Variants in ELP4 observed in about 807,000 individuals in gnomAD.
ELP4 encodes elongator acetyltransferase complex subunit 4.
Under a neutral mutation model 48.9 loss-of-function variants are expected in ELP4, and 51 were observed. The observed-to-expected ratio is 1.04, with a 90% CI of 0.83 to 1.32. ELP4 has a LOEUF of 1.32. Ranked by LOEUF, ELP4 falls within the 40% of genes most tolerant of loss-of-function variation. The probability of loss-of-function intolerance (pLI) is 0.00; values close to 1 mark genes in which losing one functional copy is unlikely to be tolerated. For missense variants in ELP4, 519 were observed against 514.6 expected, an observed-to-expected ratio of 1.01 and a Z score of -0.08; for synonymous variants, 210 against 189.2, an observed-to-expected ratio of 1.11 and a Z score of -0.90.
intron 2 of ELP4, 89 bp downstream of exon 2, chr11:31,520,180 T>G (rs1431521622): frequency 9.1e-7 from 1 of 1,093,268 alleles, no homozygotes; most frequent in Non-Finnish European, 1.3e-6. Flanking sequence ...CAAAATTATT[T>G]AAATCACTAA....
intron 3 of ELP4, among the ~76,000 whole-genome samples, chr11:31,558,789 C>T (rs1956969709): frequency 6.6e-6 from 1 of 151,756 alleles, no homozygotes; most frequent in Admixed American, 6.6e-5. Flanking sequence ...TGTTTTGAAC[C>T]CATAAAAATG....
intron 3 of ELP4, among the ~76,000 whole-genome samples, chr11:31,570,196 C>T (rs1410884884): frequency 2.6e-5 from 4 of 152,146 alleles, no homozygotes; most frequent in Non-Finnish European, 2.9e-5. Context: ...AAATCATGTC[C>T]TTTGCAGCAA....
At chr11:31,780,018 T>C (rs372120869) in intron 9 of ELP4, 2 of 152,212 alleles carry the variant, frequency 1.3e-5, no homozygotes, top group South Asian at 4.1e-4. Context: ...AATACCTTGA[T>C]TTGGTTTTCA....
At chr11:31,680,382 A>G (rs1946030127) in intron 9 of ELP4, among the ~76,000 whole-genome samples, 2 of 152,200 alleles carry the variant, frequency 1.3e-5, no homozygotes, top group South Asian at 2.1e-4. Context: ...ATTTATGATG[A>G]TATTTCTGCA....
chr11:31,744,768 C>A (rs1218646639), intron 9 of ELP4, among the ~76,000 whole-genome samples: 2 of 151,960 alleles, frequency 1.3e-5, no homozygotes, highest in Non-Finnish European at 2.9e-5. Flanking sequence ...CTATGACAAA[C>A]CCACAGCCAA....
chr11:31,656,827 T>G (rs1335604755), intron 9 of ELP4, among the ~76,000 whole-genome samples: 2 of 152,014 alleles, frequency 1.3e-5, no homozygotes, highest in Non-Finnish European at 2.9e-5. Flanking sequence ...ATATATGTGT[T>G]TTATGGTTTG....
chr11:31,683,570 T>C (rs74433261), intron 9 of ELP4, among the ~76,000 whole-genome samples: 2 of 152,210 alleles, frequency 1.3e-5, no homozygotes, highest in Admixed American at 1.3e-4. Context: ...TCCATCATCA[T>C]TTCTGCAGGT....
intron 2 of ELP4, among the ~76,000 whole-genome samples, chr11:31,526,386 C>T (rs555533486): frequency 6.6e-6 from 1 of 152,170 alleles, no homozygotes; most frequent in South Asian, 2.1e-4. Flanking sequence ...TCTCTAACGT[C>T]AAGTAGGCTT....
chr11:31,573,044 A>G (rs911322870), intron 3 of ELP4, among the ~76,000 whole-genome samples: 2 of 152,192 alleles, frequency 1.3e-5, no homozygotes, highest in Non-Finnish European at 2.9e-5. Context: ...AGGGGGCAGG[A>G]GGAGGAAGGC....
At chr11:31,728,972 A>G (rs1378763965) in intron 9 of ELP4, among the ~76,000 whole-genome samples, 1 of 152,188 alleles carries the variant, frequency 6.6e-6, no homozygotes, top group East Asian at 1.9e-4. Context: ...TTCATAATAG[A>G]TAGAAATTAT....
In ELP4 at chr11:31,543,650, T is replaced by A. The variant is rs531865645; in HGVS notation, c.381+3867T>A. ...CATCAATGCACATCATAATCAAATT[T>A]CTTGAAGCAAGTGATAAAGACAAAA... On this transcript the variant is annotated intron_variant, in intron 3 of 9. Coordinates refer to ENST00000640961, the MANE Select transcript of ELP4 (RefSeq NM_019040.5). 5.3e-5 allele frequency among the ~76,000 whole-genome samples: 8 copies of A among 152,308 alleles called. No homozygotes were observed. In the South Asian group the frequency reaches 1.7e-3, roughly 32 times the overall value.
At chr11:31,616,810 T>C (rs1335986399) in intron 5 of ELP4, among the ~76,000 whole-genome samples, 3 of 152,054 alleles carry the variant, frequency 2.0e-5, no homozygotes, top group Non-Finnish European at 4.4e-5. Flanking sequence ...CTAACAAGCA[T>C]ATCAATAAGT....
intron 3 of ELP4, among the ~76,000 whole-genome samples, chr11:31,570,725 G>A (rs558935775): frequency 8.4e-4 from 126 of 149,284 alleles, no homozygotes; most frequent in African/African-American, 2.8e-3. Flanking sequence ...TGATCCACTC[G>A]CCTCGGCCTC....
chr11:31,585,287 A>G (rs183757121), intron 3 of ELP4, among the ~76,000 whole-genome samples: 4 of 152,318 alleles, frequency 2.6e-5, no homozygotes, highest in African/African-American at 7.2e-5. Flanking sequence ...ATGTTTCACA[A>G]TGCAACACAG....
At chr11:31,730,309 G>C (rs1473493448) in intron 9 of ELP4, among the ~76,000 whole-genome samples, 1 of 152,136 alleles carries the variant, frequency 6.6e-6, no homozygotes, top group African/African-American at 2.4e-5. Flanking sequence ...TCTGGTGAAG[G>C]CCTGTCTAGG....
chr11:31,700,864 T>A (rs1325485873), intron 9 of ELP4, among the ~76,000 whole-genome samples: 3 of 152,074 alleles, frequency 2.0e-5, no homozygotes, highest in Non-Finnish European at 4.4e-5. Flanking sequence ...AAAGAAATAC[T>A]AGAAAACCTT....
intron 7 of ELP4, among the ~76,000 whole-genome samples, chr11:31,635,386 G>A (rs1944952539): frequency 6.6e-6 from 1 of 151,906 alleles, no homozygotes; most frequent in Admixed American, 6.6e-5. Context: ...GGTTGGTACT[G>A]TCATTATCTT....
intron 5 of ELP4, among the ~76,000 whole-genome samples, chr11:31,614,740 T>A (rs1243931028): frequency 6.6e-5 from 10 of 152,090 alleles, no homozygotes; most frequent in Non-Finnish European, 1.5e-5. Context: ...CCACCAAAAA[T>A]TAATAATTCA....
chr11:31,714,067 G>GA (rs1946794102), intron 9 of ELP4, among the ~76,000 whole-genome samples: 2 of 152,178 alleles, frequency 1.3e-5, no homozygotes, highest in South Asian at 4.2e-4. Context: ...CAGTGTCTGT[G>GA]ATGGTATAGA....
Sources: allele counts gnomAD v4.1 joint callset (sites outside exome capture counted in the v4.1 genomes callset), GRCh38; gene constraint gnomAD v4.1.1; transcripts MANE v1.5; gene names NCBI Gene and HGNC (gene_info 2026-07-23, HGNC 2026-07-21).